Variants in STK3 observed in about 807,000 individuals in gnomAD.
STK3 encodes serine/threonine kinase 3, also known as serine/threonine-protein kinase 3.
STK3 carries 41 observed loss-of-function variants against 58.0 expected under a neutral mutation model. The ratio of observed to expected loss-of-function variants is 0.71; its 90% CI spans 0.55 to 0.92. The LOEUF (loss-of-function observed/expected upper bound fraction) is 0.92. Ranked by LOEUF, STK3 falls within the 40% of genes least tolerant of loss-of-function variation. The pLI, the probability that STK3 is intolerant of heterozygous loss-of-function variation, is 0.00. For synonymous variants in STK3, 170 were observed against 191.0 expected, an observed-to-expected ratio of 0.89 and a Z score of 0.91; for missense variants, 479 against 602.7, an observed-to-expected ratio of 0.79 and a Z score of 2.15.
intron 1 of STK3, among the ~76,000 whole-genome samples, chr8:98,808,645 C>G (rs1291047887): frequency 3.3e-5 from 5 of 152,068 alleles, no homozygotes; most frequent in Admixed American, 2.6e-4. Flanking sequence ...TTACTGTTAT[C>G]CATTTCCCAA....
chr8:98,760,508 G>T (rs1036949712), intron 3 of STK3, among the ~76,000 whole-genome samples: 1 of 151,968 alleles, frequency 6.6e-6, no homozygotes, highest in Middle Eastern at 3.2e-3. Context: ...GAAGAACCAG[G>T]AAAACACAAA....
chr8:98,676,256 G>A (rs1473680230), intron 6 of STK3, among the ~76,000 whole-genome samples: 1 of 152,294 alleles, frequency 6.6e-6, no homozygotes, highest in East Asian at 1.9e-4. Context: ...TTTCAGTTTG[G>A]GATGATGAAA....
At chr8:98,427,945 G>GC (rs1434233519) in intron 3 of STK3, 8 of 1,458,326 alleles carry the variant, frequency 5.5e-6, no homozygotes, top group Middle Eastern at 1.9e-4. Flanking sequence ...CAGGTGTAGC[G>GC]CCCCCGCGCG....
At chr8:98,790,557 G>GTAA (rs1832743427) in intron 1 of STK3, among the ~76,000 whole-genome samples, 1 of 152,186 alleles carries the variant, frequency 6.6e-6, no homozygotes, top group African/African-American at 2.4e-5. Context: ...CACAGCCAAT[G>GTAA]TAATACTGAA....
intron 3 of STK3, among the ~76,000 whole-genome samples, chr8:98,412,399 C>T (rs1035936535): frequency 6.6e-5 from 10 of 152,192 alleles, no homozygotes; most frequent in East Asian, 3.9e-4. Flanking sequence ...CAAATGGAGC[C>T]GCTAACACAG....
intron 6 of STK3, among the ~76,000 whole-genome samples, chr8:98,611,821 G>T (rs1480955944): frequency 6.6e-6 from 1 of 152,024 alleles, no homozygotes; most frequent in African/African-American, 2.4e-5. Context: ...TGAGTGTAAG[G>T]TGTATCAAGG....
At chr8:98,487,822 A>G (rs1365179931) in intron 10 of STK3, among the ~76,000 whole-genome samples, 1 of 152,168 alleles carries the variant, frequency 6.6e-6, no homozygotes, top group Non-Finnish European at 1.5e-5. Flanking sequence ...AAGCTCCGGA[A>G]TTAGATGGGC....
intron 7 of STK3, among the ~76,000 whole-genome samples, chr8:98,583,830 T>G (rs1470252970): frequency 2.7e-5 from 4 of 150,664 alleles, no homozygotes; most frequent in Non-Finnish European, 4.4e-5. Flanking sequence ...AACCTATGGG[T>G]AAGAGAGAGA....
intron 4 of STK3, among the ~76,000 whole-genome samples, chr8:98,737,037 G>A (rs1219893076): frequency 6.6e-6 from 1 of 152,048 alleles, no homozygotes. Context: ...ATCCATCTGG[G>A]TCCACTTGAG....
intron 1 of STK3, among the ~76,000 whole-genome samples, chr8:98,795,796 AAATACAATACAATACAATAC>A (rs58299814): frequency 0.012 from 1,690 of 138,058 alleles, 16 homozygotes; most frequent in Non-Finnish European, 0.015. Flanking sequence ...AATGGCCACA[AAATACAATACAATACAATAC>A]AATACAATAC....
intron 6 of STK3, among the ~76,000 whole-genome samples, chr8:98,679,855 A>G (rs968231257): frequency 9.2e-5 from 14 of 152,256 alleles, no homozygotes; most frequent in African/African-American, 3.4e-4. Flanking sequence ...GAACAGCTAT[A>G]GTAAACAATA....
intron 1 of STK3, among the ~76,000 whole-genome samples, chr8:98,930,662 A>G (rs1564111641): frequency 6.6e-6 from 1 of 152,256 alleles, no homozygotes; most frequent in South Asian, 2.1e-4. Flanking sequence ...TAGGAAGGGT[A>G]AAAAATAAAA....
intron 1 of STK3, among the ~76,000 whole-genome samples, chr8:98,915,735 C>T (rs1839324017): frequency 6.6e-6 from 1 of 151,910 alleles, no homozygotes; most frequent in African/African-American, 2.4e-5. Flanking sequence ...GTTCATCATT[C>T]TGTCACACAG....
chr8:98,803,610 A>AAC lies in STK3; in HGVS notation c.26+21904_26+21905insGT, dbSNP rs1554680952. On this transcript the variant is annotated intron_variant, in intron 1 of 10. Transcript: ENST00000419617. ...CTCTGTTTCAAAAAAAAAAAAAAAGAAAAAAAAAGAAAAGAAATAGTAAAA... is the reference window on the plus strand; with the variant it reads ...CTCTGTTTCAAAAAAAAAAAAAAAGAACAAAAAAAAGAAAAGAAATAGTAAAA... 9.1e-3 allele frequency among the ~76,000 whole-genome samples: 1,068 copies of AAC among 117,894 alleles called. 22 individuals carry two copies. Among genetic ancestry groups the AAC allele is most frequent in the African/African-American group, 0.036 (1,006 of 28,060 alleles). 77.3% of individuals were successfully genotyped at this position (117,894 alleles called of 152,430 possible). A position where few individuals can be genotyped will look rare whatever the true frequency, so the allele number is the denominator to read the frequency against.
chr8:98,537,300 A>T (rs1809846374), intron 9 of STK3, among the ~76,000 whole-genome samples: 1 of 152,234 alleles, frequency 6.6e-6, no homozygotes, highest in African/African-American at 2.4e-5. Context: ...TTAAAAAACA[A>T]TTTTTAAAAA....
At chr8:98,430,912 C>G (rs939385833) in intron 3 of STK3, 1 of 167,148 alleles carries the variant, frequency 6.0e-6, no homozygotes, top group Non-Finnish European at 1.5e-5. Context: ...TCCTGCTCCT[C>G]TTGTTCGGTT....
At chr8:98,441,610 A>G (rs1386027760) in intron 1 of STK3, among the ~76,000 whole-genome samples, 3 of 152,254 alleles carry the variant, frequency 2.0e-5, no homozygotes, top group African/African-American at 7.2e-5. Context: ...AGTCAGATGG[A>G]AACTCAGTAG....
At chr8:98,515,980 C>T (rs986901204) in intron 10 of STK3, among the ~76,000 whole-genome samples, 4 of 152,012 alleles carry the variant, frequency 2.6e-5, no homozygotes, top group African/African-American at 9.7e-5. Flanking sequence ...GTGTCAGCTG[C>T]TGTTTTTCCC....
At chr8:98,877,200 G>C (rs1427585955) in intron 3 of STK3, among the ~76,000 whole-genome samples, 1 of 152,196 alleles carries the variant, frequency 6.6e-6, no homozygotes, top group Non-Finnish European at 1.5e-5. Context: ...GCTATGTAAT[G>C]ACAATACAAA....
Sources: allele counts gnomAD v4.1 joint callset (sites outside exome capture counted in the v4.1 genomes callset), GRCh38; gene constraint gnomAD v4.1.1; transcripts MANE v1.5; gene names NCBI Gene and HGNC (gene_info 2026-07-23, HGNC 2026-07-21).